The following TWSG1 variants were observed in gnomAD, a reference collection of about 807,000 sequenced individuals.
TWSG1 encodes twisted gastrulation BMP signaling modulator 1.
Under a neutral mutation model 23.0 loss-of-function variants are expected in TWSG1, and 15 were observed. The observed-to-expected ratio is 0.65, with a 90% CI of 0.44 to 1.00. The LOEUF (loss-of-function observed/expected upper bound fraction) is 1.00. Ranked by LOEUF, TWSG1 falls within the 50% of genes least tolerant of loss-of-function variation. The probability of loss-of-function intolerance (pLI) is 0.00; values close to 1 mark genes in which losing one functional copy is unlikely to be tolerated. For synonymous variants in TWSG1, 86 were observed against 92.8 expected (o/e 0.93, Z 0.42); for missense variants, 242 against 278.7 (o/e 0.87, Z 0.94).
intron 3 of TWSG1, among the ~76,000 whole-genome samples, chr18:9,367,574 GA>G (rs1236171962): frequency 6.6e-6 from 1 of 152,180 alleles, no homozygotes. Flanking sequence ...GGGCCACATA[GA>G]AGGAGGTGAA....
rs141272231 is a variant in TWSG1 at position 9,360,050 on chromosome 18, G to A, written c.202G>A (p.Asp68Asn). Residue 68 changes from aspartate to asparagine, a missense_variant, in exon 3 of 5, where the codon GAC (aspartate) becomes AAC (asparagine). Physicochemically the swap from Asp to Asn is conservative, Grantham distance 23 (BLOSUM62 1). Transcript: ENST00000262120. ...CATGCTGTGTCTTGGGGCCCTTTGG[G>A]ACGAGTGCTGTGACTGTGTTGGTAA... The part of the protein sequence containing the change: ...ECMLCLGALW[D>N]ECCDCVGMCN... The A allele has an allele frequency of 9.9e-6, 16 of 1,613,376 alleles. No individual in the cohort carries two copies. Among genetic ancestry groups the A allele is most frequent in the East Asian group, 2.2e-5 (1 of 44,866 alleles).
intron 3 of TWSG1, among the ~76,000 whole-genome samples, chr18:9,366,686 A>T (rs1384438355): frequency 2.6e-5 from 4 of 152,170 alleles, no homozygotes; most frequent in Non-Finnish European, 5.9e-5. Context: ...CTAACATGTT[A>T]CTTTTCTAAT....
At chr18:9,352,985 G>T (rs2040508817) in intron 2 of TWSG1, among the ~76,000 whole-genome samples, 1 of 152,176 alleles carries the variant, frequency 6.6e-6, no homozygotes. Context: ...GGTCACATAA[G>T]ATTATAATAC....
At chr18:9,336,175 TGAGGTCAG>T (rs756138598) in intron 1 of TWSG1, among the ~76,000 whole-genome samples, 1 of 152,104 alleles carries the variant, frequency 6.6e-6, no homozygotes, top group Non-Finnish European at 1.5e-5. Flanking sequence ...GTGGATCACC[TGAGGTCAG>T]GAGATCGAGA....
chr18:9,376,887 T>C (rs541516509), intron 3 of TWSG1, among the ~76,000 whole-genome samples: 1 of 150,848 alleles, frequency 6.6e-6, no homozygotes, highest in Non-Finnish European at 1.5e-5. Flanking sequence ...GTACTGAACA[T>C]GTACAGAATT....
chr18:9,360,750 G>A (rs150551975), intron 3 of TWSG1, among the ~76,000 whole-genome samples: 168 of 152,064 alleles, frequency 1.1e-3, no homozygotes, highest in Non-Finnish European at 1.9e-3. Context: ...ATCCTTTATC[G>A]AAATAGGCTA....
At chr18:9,364,251 A>G (rs759764601) in intron 3 of TWSG1, among the ~76,000 whole-genome samples, 11 of 152,088 alleles carry the variant, frequency 7.2e-5, no homozygotes, top group Non-Finnish European at 8.8e-5. Flanking sequence ...TCTATTTCCT[A>G]TAGGCTGGAA....
At chr18:9,353,576 C>T (rs543610925) in intron 2 of TWSG1, among the ~76,000 whole-genome samples, 9 of 152,256 alleles carry the variant, frequency 5.9e-5, no homozygotes, top group South Asian at 4.1e-4. Context: ...TATTGAACAA[C>T]GTGTCTACCA....
rs1445193167 is a variant in TWSG1, at chr18:9,402,060, T to C, written c.*2533T>C. On this transcript the variant is annotated 3_prime_UTR_variant, in exon 5 of 5. Coordinates refer to ENST00000262120, the MANE Select transcript of TWSG1 (RefSeq NM_020648.6). ...AGTGGTGCCAAATCAAATGGTAATT[T>C]AAATAAAATCTATTCTGTGTTTATG... is the stretch of plus-strand genomic sequence containing the variant. The C allele has an allele frequency of 1.3e-5, 2 of 152,142 alleles. No homozygotes were observed. The highest frequency in any genetic ancestry group is 4.8e-5 in the African/African-American group (2 of 41,440). 9.4% of individuals were successfully genotyped at this position (152,142 alleles called of 1,614,324 possible).
intron 2 of TWSG1, among the ~76,000 whole-genome samples, chr18:9,353,933 CAA>C (rs1236676275): frequency 6.6e-6 from 1 of 152,196 alleles, no homozygotes; most frequent in African/African-American, 2.4e-5. Context: ...CCTTTACAAA[CAA>C]TGATTAAACT....
At chr18:9,336,981 G>A (rs8093683) in intron 1 of TWSG1, among the ~76,000 whole-genome samples, 18,323 of 152,208 alleles carry the variant, frequency 0.12, 1,296 homozygotes, top group Middle Eastern at 0.26. Flanking sequence ...GGCTGAGGTG[G>A]GAGGATCACT....
At chr18:9,351,622 G>GTTTTTTTTTTTTTTTTTTCTTTTTGT (rs71168051) in intron 2 of TWSG1, among the ~76,000 whole-genome samples, 2 of 116,608 alleles carry the variant, frequency 1.7e-5, no homozygotes. Context: ...ACCATGCTGG[G>GTTTTTTTTTTTTTTTTTTCTTTTTGT]TTTTTTTTTT....
At chr18:9,347,825 GT>G (rs538543080) in intron 2 of TWSG1, among the ~76,000 whole-genome samples, 2 of 151,316 alleles carry the variant, frequency 1.3e-5, no homozygotes, top group African/African-American at 2.4e-5. Context: ...TTATTTACTT[GT>G]TTTTTTTGGA....
chr18:9,393,048 A>G (rs976788028), intron 3 of TWSG1, among the ~76,000 whole-genome samples: 3 of 152,224 alleles, frequency 2.0e-5, no homozygotes, highest in East Asian at 1.9e-4. Context: ...AACTGTTATA[A>G]TAATAATGAA....
intron 3 of TWSG1, among the ~76,000 whole-genome samples, chr18:9,385,925 T>C (rs1363200923): frequency 6.6e-6 from 1 of 152,026 alleles, no homozygotes; most frequent in Admixed American, 6.5e-5. Flanking sequence ...TCCCAGCACT[T>C]TGGGAGGCCA....
rs544088681 is a variant in TWSG1, at chr18:9,388,596, C to T, written c.224-7684C>T. ...CAGCAAATCAGGGACATCAGGTTTACTAGTTTTAGTGCAGTATATTGAGAT... is the reference window on the plus strand; with the variant it reads ...CAGCAAATCAGGGACATCAGGTTTATTAGTTTTAGTGCAGTATATTGAGAT... On this transcript the variant is annotated intron_variant, in intron 3 of 4. Transcript: ENST00000262120. Among the ~76,000 whole-genome samples the T allele has an allele frequency of 5.9e-5, 9 of 152,324 alleles. No individual in the cohort carries two copies. In the South Asian group the frequency reaches 1.9e-3, roughly 32 times the overall value.
chr18:9,357,760 A>G (rs1214274906), intron 2 of TWSG1, among the ~76,000 whole-genome samples: 1 of 152,024 alleles, frequency 6.6e-6, no homozygotes, highest in Non-Finnish European at 1.5e-5. Flanking sequence ...TTTAAAAACT[A>G]GTGTTCACAA....
intron 3 of TWSG1, 105 bp from the exon 4 acceptor site, chr18:9,396,175 G>T: frequency 6.6e-6 from 5 of 761,480 alleles, no homozygotes; most frequent in Non-Finnish European, 9.9e-6. Flanking sequence ...AAAAAGGTAG[G>T]AAAATATCCA....
intron 3 of TWSG1, among the ~76,000 whole-genome samples, chr18:9,392,804 C>T (rs533138991): frequency 1.1e-4 from 16 of 152,166 alleles, no homozygotes; most frequent in East Asian, 3.9e-4. Flanking sequence ...AAGTGAGAGA[C>T]GTGAACACTT....
Sources: gnomAD v4.1 joint callset for allele counts (sites outside exome capture counted in the v4.1 genomes callset) on GRCh38, gnomAD v4.1.1 for gene constraint, MANE v1.5 for transcripts, NCBI Gene and HGNC (gene_info 2026-07-23, HGNC 2026-07-21) for gene names.